Variants in SRC observed in about 807,000 individuals in gnomAD.
The protein encoded by SRC is proto-oncogene tyrosine-protein kinase Src.
Under a neutral mutation model 62.9 loss-of-function variants are expected in SRC, and 13 were observed. The ratio of observed to expected loss-of-function variants is 0.21; its 90% CI spans 0.13 to 0.33. The LOEUF (loss-of-function observed/expected upper bound fraction) is 0.33, where lower values mean the gene tolerates loss of function less well. Among genes scored for constraint, SRC ranks in the 10% least tolerant of loss-of-function variants. The probability of loss-of-function intolerance (pLI) is 1.00; values close to 1 mark genes in which losing one functional copy is unlikely to be tolerated. For synonymous variants in SRC, 302 were observed against 317.5 expected, an observed-to-expected ratio of 0.95 and a Z score of 0.52; for missense variants, 457 against 737.3, an observed-to-expected ratio of 0.62 and a Z score of 4.40.
At chr20:37,395,217 C>A (rs1056964629) in intron 7 of SRC, among the ~76,000 whole-genome samples, 10 of 152,238 alleles carry the variant, frequency 6.6e-5, no homozygotes, top group African/African-American at 1.7e-4. Context: ...GCTGGGTGAC[C>A]CCAGGCTGGC....
At chr20:37,374,028 T>TG (rs887116437) in intron 2 of SRC, among the ~76,000 whole-genome samples, 1 of 138,316 alleles carries the variant, frequency 7.2e-6, no homozygotes, top group Non-Finnish European at 1.5e-5. Context: ...AAAAAAAACT[T>TG]GGGTTTTTTT....
chr20:37,364,616 C>T lies in SRC; in HGVS notation c.-246-588C>T, dbSNP rs553379011. 5.9e-5 allele frequency among the ~76,000 whole-genome samples: 9 copies of T among 152,230 alleles called. No individual in the cohort carries two copies. The East Asian group carries it at 1.7e-3, about 29-fold the overall frequency. On this transcript the variant is annotated intron_variant, in intron 1 of 13. Transcript: ENST00000373578. ...GAACCTGCTGTGTGATCTTGGATGG[C>T]CCCTCTCCCTTTCTGAGCCTCCATT...
At chr20:37,364,013 G>A (rs2070022961) in intron 1 of SRC, among the ~76,000 whole-genome samples, 1 of 151,736 alleles carries the variant, frequency 6.6e-6, no homozygotes. Flanking sequence ...CTCCATCCCC[G>A]CACAGGCCTG....
chr20:37,393,035 C>A (rs2070577833), intron 5 of SRC, among the ~76,000 whole-genome samples: 1 of 152,198 alleles, frequency 6.6e-6, no homozygotes, highest in Admixed American at 6.5e-5. Context: ...CCCCTCCCCG[C>A]TCCCGCCCAG....
intron 1 of SRC, among the ~76,000 whole-genome samples, chr20:37,362,982 G>A (rs2146945883): frequency 6.6e-6 from 1 of 152,290 alleles, no homozygotes; most frequent in South Asian, 2.1e-4. Flanking sequence ...CCCAGCTGCA[G>A]GCCCTGTCAA....
At chr20:37,348,763 T>C (rs1206082373) in intron 1 of SRC, among the ~76,000 whole-genome samples, 1 of 152,126 alleles carries the variant, frequency 6.6e-6, no homozygotes, top group East Asian at 1.9e-4. Context: ...CCAGTTGAGT[T>C]ACTATATAAT....
intron 5 of SRC, among the ~76,000 whole-genome samples, chr20:37,389,277 T>G (rs541463898): frequency 6.6e-6 from 1 of 152,260 alleles, no homozygotes; most frequent in Non-Finnish European, 1.5e-5. Context: ...GGTCTGACTC[T>G]GGGTTGCTCC....
chr20:37,346,997 A>G (rs886794282), intron 1 of SRC, among the ~76,000 whole-genome samples: 2 of 152,230 alleles, frequency 1.3e-5, no homozygotes, highest in South Asian at 4.1e-4. Flanking sequence ...GTGTCCTCAG[A>G]CAACTGCCTG....
intron 7 of SRC, among the ~76,000 whole-genome samples, chr20:37,395,891 CA>C (rs1449800110): frequency 6.6e-6 from 1 of 152,272 alleles, no homozygotes; most frequent in Non-Finnish European, 1.5e-5. Context: ...GCAACCCCTC[CA>C]AGTCTCATAG....
At chr20:37,401,755 C>A (rs1430274623) in intron 11 of SRC, 77 bp downstream of exon 11, 8 of 1,056,760 alleles carry the variant, frequency 7.6e-6, no homozygotes, top group Non-Finnish European at 2.7e-6. Context: ...CAGTTCTGGC[C>A]TCTTGAGTGC....
chr20:37,403,650 T>C lies in SRC; in HGVS notation c.*271T>C. The C allele has an allele frequency of 6.0e-6, 3 of 502,176 alleles. No homozygotes were observed. Among genetic ancestry groups the C allele is most frequent in the African/African-American group, 1.9e-5 (1 of 52,786 alleles). 31.1% of individuals were successfully genotyped at this position (502,176 alleles called of 1,614,324 possible). On this transcript the variant is annotated 3_prime_UTR_variant, in exon 14 of 14. Transcript: ENST00000373578. This position sits in a 1 kb window ranked among gnomAD's most constrained non-coding sequence, Gnocchi z 7.1. ...CTCCCTGCACTCCCTCCTGGAGCTC[T>C]GTGGGTCTCTGGAAGAGGAACCAGG...
intron 2 of SRC, among the ~76,000 whole-genome samples, chr20:37,369,267 C>T (rs1013946197): frequency 1.1e-4 from 17 of 152,126 alleles, no homozygotes; most frequent in African/African-American, 3.6e-4. Flanking sequence ...GGGAGTATTG[C>T]CATCTTAATA....
chr20:37,394,360 G>A lies in SRC; in HGVS notation c.553+83G>A, dbSNP rs2070604543. 8 of 1,284,154 alleles carry A rather than the reference G, an allele frequency of 6.2e-6. 1 individual carries two copies. The South Asian group carries it at 9.7e-5, about 16-fold the overall frequency. 79.5% of individuals were successfully genotyped at this position (1,284,154 alleles called of 1,614,324 possible). A position where few individuals can be genotyped will look rare whatever the true frequency, so the allele number is the denominator to read the frequency against. ...GGTGTTGTGGAATGAGCAGGAGTTTGGTTTGTGGAGTAGGGAGGGAAGAAC... is the reference window on the plus strand; with the variant it reads ...GGTGTTGTGGAATGAGCAGGAGTTTAGTTTGTGGAGTAGGGAGGGAAGAAC... On this transcript the variant is annotated intron_variant, in intron 7 of 13. Coordinates refer to ENST00000373578, the MANE Select transcript of SRC (RefSeq NM_198291.3).
At chr20:37,366,977 A>G (rs1340037294) in intron 2 of SRC, among the ~76,000 whole-genome samples, 1 of 152,100 alleles carries the variant, frequency 6.6e-6, no homozygotes, top group Admixed American at 6.6e-5. Flanking sequence ...GCACCATTTT[A>G]CATTCCCATC....
chr20:37,349,543 A>G (rs1393184672), intron 1 of SRC, among the ~76,000 whole-genome samples: 1 of 152,138 alleles, frequency 6.6e-6, no homozygotes, highest in African/African-American at 2.4e-5. Context: ...TCCTTGTTGG[A>G]TTAGGGTTAA....
chr20:37,387,173 C>T (rs778135979), intron 5 of SRC, among the ~76,000 whole-genome samples: 20 of 152,200 alleles, frequency 1.3e-4, no homozygotes, highest in Non-Finnish European at 2.2e-4. Context: ...CTGCCCCGAG[C>T]GTGTCTGGCT....
At chr20:37,368,518 C>CTTATTTTTTTTTTTT (rs2070101175) in intron 2 of SRC, among the ~76,000 whole-genome samples, 1 of 73,900 alleles carries the variant, frequency 1.4e-5, no homozygotes, top group Non-Finnish European at 2.7e-5. Flanking sequence ...CCTATATTTT[C>CTTATTTTTTTTTTTT]TTTTTTTTTT....
In SRC at chr20:37,384,029, C is replaced by T. The variant is rs1186010485; in HGVS notation, c.-4-121C>T. The T allele has an allele frequency of 2.9e-6, 4 of 1,387,190 alleles. No individual in the cohort carries two copies. The highest frequency in any genetic ancestry group is 3.9e-6 in the Non-Finnish European group (4 of 1,036,138). The allele number at this position is 1,387,190 out of a possible 1,614,324, so 85.9% of individuals were successfully genotyped here. The stretch of plus-strand genomic sequence containing the variant: ...GGGATTACAGGCGTGAGCCACCGCG[C>T]CCGGCCCTGCTGCCTCTCCTTGGGC... On this transcript the variant is annotated intron_variant, in intron 3 of 13. Transcript: ENST00000373578. This position sits in a 1 kb window ranked among gnomAD's most constrained non-coding sequence, Gnocchi z 6.7.
At chr20:37,352,780 C>T (rs568498359) in intron 1 of SRC, among the ~76,000 whole-genome samples, 7 of 152,310 alleles carry the variant, frequency 4.6e-5, no homozygotes, top group East Asian at 3.9e-4. Context: ...ATTTTCGAGC[C>T]GTAGCTATCT....
Sources: allele counts gnomAD v4.1 joint callset (sites outside exome capture counted in the v4.1 genomes callset), GRCh38; gene constraint gnomAD v4.1.1; non-coding constraint Gnocchi (gnomAD v3.1); transcripts MANE v1.5; gene names NCBI Gene and HGNC (gene_info 2026-07-23, HGNC 2026-07-21).